The following FBXW7 variants were observed in gnomAD, a reference collection of about 807,000 sequenced individuals.
FBXW7 encodes F-box and WD repeat domain containing 7.
In FBXW7, 11 loss-of-function variants were observed where a neutral mutation model predicts 86.3. The ratio of observed to expected loss-of-function variants is 0.13; its 90% CI spans 0.08 to 0.21. The LOEUF (loss-of-function observed/expected upper bound fraction) is 0.21, where lower values mean the gene tolerates loss of function less well. Ranked by LOEUF, FBXW7 falls within the 10% of genes least tolerant of loss-of-function variation. The pLI, the probability that FBXW7 is intolerant of heterozygous loss-of-function variation, is 1.00. For synonymous variants in FBXW7, 313 were observed against 297.9 expected (o/e 1.05, Z -0.52); for missense variants, 488 against 847.4 (o/e 0.58, Z 5.27).
chr4:152,323,386 TTAGC>T (rs757777344), intron 13 of FBXW7: 53 of 555,806 alleles, frequency 9.5e-5, no homozygotes, highest in Non-Finnish European at 1.5e-4. Flanking sequence ...AGAAGCTTGG[TTAGC>T]TACCAGACAA....
At chr4:152,533,018 C>T (rs941815084) in intron 2 of FBXW7, among the ~76,000 whole-genome samples, 17 of 152,106 alleles carry the variant, frequency 1.1e-4, no homozygotes, top group African/African-American at 4.1e-4. Context: ...GAAACCCCAT[C>T]TCTACTAAAA....
chr4:152,328,213 T>G lies in FBXW7; in HGVS notation c.1413A>C (p.Glu471Asp). The change falls in exon 11 of 14, where the codon GAA (glutamate) becomes GAC (aspartate). Residue 471 changes from glutamate (E) to aspartate (D), a missense_variant. By Grantham distance (45) the Glu-to-Asp change is conservative. Transcript: ENST00000281708. ...TSTVRCMHLH[E>D]KRVVSGSRDA... ...ATGACAAGATTTTCCCTTACCTTTTTTCATGAAGATGCATACAACGCACAG... is the reference window on the plus strand; with the variant it reads ...ATGACAAGATTTTCCCTTACCTTTTGTCATGAAGATGCATACAACGCACAG... 6.3e-7 allele frequency: 1 copy of G among 1,586,070 alleles called. No individual in the cohort carries two copies. Among genetic ancestry groups the G allele is most frequent in the Non-Finnish European group, 8.6e-7 (1 of 1,168,962 alleles).
At chr4:152,390,698 T>C (rs1198245305) in intron 4 of FBXW7, among the ~76,000 whole-genome samples, 1 of 152,112 alleles carries the variant, frequency 6.6e-6, no homozygotes, top group African/African-American at 2.4e-5. Flanking sequence ...AAACTTTCAG[T>C]TAAAATAAAT....
intron 2 of FBXW7, among the ~76,000 whole-genome samples, chr4:152,436,316 C>T (rs1018377413): frequency 7.9e-5 from 12 of 152,130 alleles, no homozygotes; most frequent in Admixed American, 6.6e-4. Context: ...AAGCTTTATC[C>T]AGAGCAAGGC....
chr4:152,402,979 A>G (rs1737080350), intron 4 of FBXW7, among the ~76,000 whole-genome samples: 1 of 152,226 alleles, frequency 6.6e-6, no homozygotes, highest in South Asian at 2.1e-4. Context: ...GTCTGTTGGT[A>G]AAGCCACTGG....
At chr4:152,352,059 TA>T (rs1198482916) in intron 4 of FBXW7, among the ~76,000 whole-genome samples, 1 of 152,094 alleles carries the variant, frequency 6.6e-6, no homozygotes, top group African/African-American at 2.4e-5. Flanking sequence ...TCTTTAAATA[TA>T]AATCCCAAAT....
chr4:152,416,523 G>A (rs910985788), intron 2 of FBXW7, among the ~76,000 whole-genome samples: 5 of 152,042 alleles, frequency 3.3e-5, no homozygotes, highest in Admixed American at 6.6e-5. Flanking sequence ...GAGTATTTCT[G>A]GTTCCATATA....
At chr4:152,477,268 T>C (rs1393109318) in intron 2 of FBXW7, among the ~76,000 whole-genome samples, 1 of 152,144 alleles carries the variant, frequency 6.6e-6, no homozygotes, top group African/African-American at 2.4e-5. Context: ...TAGGTCAATA[T>C]TAGAAAAATA....
chr4:152,481,080 C>G (rs952090944), intron 2 of FBXW7, among the ~76,000 whole-genome samples: 19 of 152,142 alleles, frequency 1.2e-4, no homozygotes, highest in Non-Finnish European at 2.6e-4. Flanking sequence ...TAAGTCAATA[C>G]CTGGCTTCCA....
intron 6 of FBXW7, 95 bp from the exon 7 acceptor site, chr4:152,338,031 G>T: frequency 7.7e-7 from 1 of 1,306,694 alleles, no homozygotes; most frequent in South Asian, 1.5e-5. Flanking sequence ...AACCATAGTT[G>T]ATCAGGGTAG....
chr4:152,355,510 T>A (rs1183572212), intron 4 of FBXW7, among the ~76,000 whole-genome samples: 1 of 152,176 alleles, frequency 6.6e-6, no homozygotes, highest in Non-Finnish European at 1.5e-5. Flanking sequence ...ATGTTTGTCA[T>A]CTATATTTTT....
At chr4:152,419,785 CTAT>C (rs1229133601) in intron 2 of FBXW7, among the ~76,000 whole-genome samples, 8 of 152,146 alleles carry the variant, frequency 5.3e-5, no homozygotes, top group South Asian at 4.2e-4. Flanking sequence ...ATTTACACTA[CTAT>C]TAAGTGTGTA....
intron 2 of FBXW7, among the ~76,000 whole-genome samples, chr4:152,465,143 C>T (rs893599360): frequency 6.6e-6 from 1 of 151,744 alleles, no homozygotes; most frequent in African/African-American, 2.4e-5. Flanking sequence ...ATGGAAGCGA[C>T]TATAGACTCT....
intron 2 of FBXW7, among the ~76,000 whole-genome samples, chr4:152,457,576 G>A (rs537996153): frequency 5.3e-5 from 8 of 150,644 alleles, no homozygotes; most frequent in Admixed American, 2.0e-4. Flanking sequence ...CCCAGGAGGC[G>A]GAGCTTGCAG....
At position 152,354,934 on chromosome 4, in the gene FBXW7, C is replaced by CT. The variant is rs565561050; in HGVS notation, c.502-4811dup. The stretch of plus-strand genomic sequence containing the variant: ...TTGGGAATGATTTTTATTGTTTATC[C>CT]TTTAAGTGAGAAATGCGAATGTTTA... On this transcript the variant is annotated intron_variant, in intron 4 of 13. Transcript: ENST00000281708. 3.9e-5 allele frequency among the ~76,000 whole-genome samples: 6 copies of CT among 152,186 alleles called. No homozygotes were observed. In the East Asian group the frequency reaches 1.2e-3, roughly 29 times the overall value.
At chr4:152,400,587 TCCTCCCACCTCAG>T (rs1371305141) in intron 4 of FBXW7, among the ~76,000 whole-genome samples, 1 of 151,872 alleles carries the variant, frequency 6.6e-6, no homozygotes, top group Non-Finnish European at 1.5e-5. Context: ...GCTCAAGCGA[TCCTCCCACCTCAG>T]CCTGCCAAAG....
intron 2 of FBXW7, among the ~76,000 whole-genome samples, chr4:152,508,505 T>G (rs1282316303): frequency 2.6e-5 from 4 of 151,752 alleles, no homozygotes; most frequent in Non-Finnish European, 5.9e-5. Flanking sequence ...CTGGACAACA[T>G]GATGAAACCT....
intron 2 of FBXW7, among the ~76,000 whole-genome samples, chr4:152,455,915 C>T (rs971414430): frequency 6.6e-6 from 1 of 152,144 alleles, no homozygotes; most frequent in Non-Finnish European, 1.5e-5. Flanking sequence ...AAATCTTTAA[C>T]TTAATCACAT....
chr4:152,374,045 A>C (rs1734249320), intron 4 of FBXW7, among the ~76,000 whole-genome samples: 1 of 152,062 alleles, frequency 6.6e-6, no homozygotes, highest in African/African-American at 2.4e-5. Context: ...AAAAACACCA[A>C]AGGATCTGGA....
Sources: gnomAD v4.1 joint callset for allele counts (sites outside exome capture counted in the v4.1 genomes callset) on GRCh38, gnomAD v4.1.1 for gene constraint, MANE v1.5 for transcripts, NCBI Gene and HGNC (gene_info 2026-07-23, HGNC 2026-07-21) for gene names.